Variants in CRHR2 observed in about 807,000 individuals in gnomAD.
CRHR2 encodes the protein corticotropin releasing hormone receptor 2.
A neutral mutation model predicts 57.9 loss-of-function variants in CRHR2; 53 were observed. The ratio of observed to expected loss-of-function variants is 0.92; its 90% CI spans 0.73 to 1.15. CRHR2 has a LOEUF of 1.15. Among genes scored for constraint, CRHR2 ranks in the 50% most tolerant of loss-of-function variants. The probability of loss-of-function intolerance (pLI) is 0.00; values close to 1 mark genes in which losing one functional copy is unlikely to be tolerated. For synonymous variants in CRHR2, 213 were observed against 220.9 expected, an observed-to-expected ratio of 0.96 and a Z score of 0.32; for missense variants, 532 against 542.6, an observed-to-expected ratio of 0.98 and a Z score of 0.19.
intron 5 of CRHR2, among the ~76,000 whole-genome samples, chr7:30,663,571 A>G (rs769374618): frequency 4.6e-5 from 7 of 152,186 alleles, no homozygotes; most frequent in Non-Finnish European, 7.3e-5. Flanking sequence ...GTGCCTTCCC[A>G]GCAGAGGGGA....
Position 30,653,727 on chromosome 7 carries a change from CA to C in CRHR2, c.1096-128del, listed in dbSNP as rs61604926. 5.7e-3 allele frequency: 6,660 copies of C among 1,168,066 alleles called. 275 individuals are homozygous for C. In the African/African-American group the frequency reaches 0.09, roughly 16 times the overall value. The allele number at this position is 1,168,066 out of a possible 1,614,324, so 72.4% of individuals were successfully genotyped here. ...CTCATGACAAGGAACTGTCTGCTTC[CA>C]AAACAGGTCCTTCCCTGATGCTGTT... On this transcript the variant is annotated intron_variant, in intron 11 of 11. Coordinates refer to ENST00000471646, the MANE Select transcript of CRHR2 (RefSeq NM_001883.5). This position sits in a 1 kb window ranked among gnomAD's most constrained non-coding sequence, Gnocchi z 5.0.
Position 30,665,063 on chromosome 7 carries a change from C to A in CRHR2, c.543+7G>T. The stretch of plus-strand genomic sequence containing the variant: ...AGGTATAGCCCCGAGTCTCCCCGAG[C>A]AATGACCTCATTGCTCTCGTGCACT... On this transcript the variant is annotated splice_region_variant and intron_variant, in intron 5 of 11. Coordinates refer to ENST00000471646, the MANE Select transcript of CRHR2 (RefSeq NM_001883.5). This position sits in a 1 kb window ranked among gnomAD's most constrained non-coding sequence, Gnocchi z 4.5. 1 of 1,612,664 alleles carries A rather than the reference C, an allele frequency of 6.2e-7. No individual in the cohort carries two copies. The highest frequency in any genetic ancestry group is 2.2e-5 in the East Asian group (1 of 44,860).
chr7:30,685,724 A>G (rs1784842531), upstream of CRHR2, among the ~76,000 whole-genome samples: 1 of 152,214 alleles, frequency 6.6e-6, no homozygotes, highest in Non-Finnish European at 1.5e-5. Context: ...CAGATGGACA[A>G]TAGGATTCCC....
At chr7:30,695,466 A>G (rs1446693040) in intron 1 of CRHR2, among the ~76,000 whole-genome samples, 1 of 151,874 alleles carries the variant, frequency 6.6e-6, no homozygotes, top group East Asian at 2.0e-4. Flanking sequence ...CTGAACGCCC[A>G]TGAATCCCTC....
At chr7:30,676,759 G>T (rs1784528831) in intron 2 of CRHR2, among the ~76,000 whole-genome samples, 1 of 152,228 alleles carries the variant, frequency 6.6e-6, no homozygotes, top group African/African-American at 2.4e-5. Context: ...CAATGGGAGA[G>T]ACCCCTCTGG....
At chr7:30,674,211 A>G (rs1784446683) in intron 2 of CRHR2, among the ~76,000 whole-genome samples, 1 of 152,194 alleles carries the variant, frequency 6.6e-6, no homozygotes, top group African/African-American at 2.4e-5. Context: ...TACTGGGTCT[A>G]TGAAAAAGGG....
intron 1 of CRHR2, chr7:30,689,411 G>A (rs1784916530): frequency 1.3e-6 from 1 of 792,160 alleles, no homozygotes; most frequent in Non-Finnish European, 2.1e-6. Flanking sequence ...AGAACAAGGA[G>A]GGAGATGCCC....
At chr7:30,685,419 G>T (rs1185533259), upstream of CRHR2, among the ~76,000 whole-genome samples, 1 of 152,194 alleles carries the variant, frequency 6.6e-6, no homozygotes, top group Non-Finnish European at 1.5e-5. Context: ...ACTGTCCTTG[G>T]TTAGACTACA....
intron 2 of CRHR2, among the ~76,000 whole-genome samples, chr7:30,673,939 G>A (rs1354004305): frequency 6.6e-6 from 1 of 152,182 alleles, no homozygotes; most frequent in Non-Finnish European, 1.5e-5. Flanking sequence ...CACTGGGTGG[G>A]AAAGGCATCC....
chr7:30,655,778 C>T (rs746559905), intron 9 of CRHR2, 63 bp from the exon 10 acceptor site: 61 of 1,565,472 alleles, frequency 3.9e-5, no homozygotes, highest in African/African-American at 7.3e-5. Flanking sequence ...ACCCAGTGGG[C>T]GGCGGGAGAC....
In CRHR2 at chr7:30,653,756, C is replaced by T. The variant is rs1323447313; in HGVS notation, c.1096-156G>A. Among the ~76,000 whole-genome samples the T allele has an allele frequency of 6.6e-6, 1 of 152,144 alleles. No homozygotes were observed. The highest frequency in any genetic ancestry group is 1.5e-5 in the Non-Finnish European group (1 of 68,022). ...ACAGGTCCTTCCCTGATGCTGTTGC[C>T]TCTCTCCAGGGGCCTCTTCCTTATC... is the stretch of plus-strand genomic sequence containing the variant. On this transcript the variant is annotated intron_variant, in intron 11 of 11. Coordinates refer to ENST00000471646, the MANE Select transcript of CRHR2 (RefSeq NM_001883.5). This position sits in a 1 kb window ranked among gnomAD's most constrained non-coding sequence, Gnocchi z 5.0.
chr7:30,667,002 C>G (rs1784207254), intron 3 of CRHR2, among the ~76,000 whole-genome samples: 1 of 152,240 alleles, frequency 6.6e-6, no homozygotes, highest in Non-Finnish European at 1.5e-5. Flanking sequence ...GCTTTGTCCT[C>G]TAGCAGCCCA....
intron 1 of CRHR2, among the ~76,000 whole-genome samples, chr7:30,693,955 C>T (rs932005501): frequency 3.3e-5 from 5 of 152,208 alleles, no homozygotes; most frequent in African/African-American, 1.2e-4. Context: ...TGCTGATTAG[C>T]TCTTGGCTGT....
intron 2 of CRHR2, among the ~76,000 whole-genome samples, chr7:30,668,526 GCA>G (rs753187532): frequency 2.0e-5 from 3 of 152,160 alleles, no homozygotes; most frequent in Non-Finnish European, 2.9e-5. Flanking sequence ...AGCTTGCAGA[GCA>G]CAGAGTTGCA....
chr7:30,691,590 G>A (rs1784961820), intron 1 of CRHR2, among the ~76,000 whole-genome samples: 1 of 152,226 alleles, frequency 6.6e-6, no homozygotes, highest in African/African-American at 2.4e-5. Flanking sequence ...TTTGTGGGGA[G>A]TGGGCACAGG....
In CRHR2 at chr7:30,665,031, G is replaced by GC. The variant is rs756897258; in HGVS notation, c.543+38dup. The GC allele has an allele frequency of 8.1e-5, 126 of 1,560,802 alleles. 1 individual carries two copies. The highest frequency in any genetic ancestry group is 7.6e-4 in the South Asian group (68 of 89,926). ...CAGATGGGTGCCCCCGGAGCCCAGA[G>GC]CCCCCCAGGTATAGCCCCGAGTCTC... On this transcript the variant is annotated intron_variant, in intron 5 of 11. Transcript: ENST00000471646. This position sits in a 1 kb window ranked among gnomAD's most constrained non-coding sequence, Gnocchi z 4.5.
At chr7:30,696,731 TAA>T (rs1785064987) in intron 1 of CRHR2, among the ~76,000 whole-genome samples, 1 of 151,852 alleles carries the variant, frequency 6.6e-6, no homozygotes, top group African/African-American at 2.4e-5. Context: ...CTCAAAAAAA[TAA>T]AATAAAATAA....
chr7:30,682,978 G>A (rs1784776669), upstream of CRHR2, among the ~76,000 whole-genome samples: 2 of 152,212 alleles, frequency 1.3e-5, no homozygotes, highest in African/African-American at 4.8e-5. Context: ...ACACCCATGA[G>A]TCTAATGAGA....
chr7:30,687,329 G>A (rs531013223), upstream of CRHR2, among the ~76,000 whole-genome samples: 4 of 152,120 alleles, frequency 2.6e-5, no homozygotes, highest in South Asian at 2.1e-4. Flanking sequence ...GCTAGGCAGC[G>A]TCACAAGCGA....
Sources: allele counts gnomAD v4.1 joint callset (sites outside exome capture counted in the v4.1 genomes callset), GRCh38; gene constraint gnomAD v4.1.1; non-coding constraint Gnocchi (gnomAD v3.1); transcripts MANE v1.5; gene names NCBI Gene and HGNC (gene_info 2026-07-23, HGNC 2026-07-21).